RNF214: variants seen among roughly 807,000 people sequenced by gnomAD.
RNF214 encodes ring finger protein 214.
In RNF214, 25 loss-of-function variants were observed where a neutral mutation model predicts 75.9. The observed-to-expected ratio is 0.33, with a 90% confidence interval of 0.24 to 0.46. RNF214 has a LOEUF of 0.46. Ranked by LOEUF, RNF214 falls within the 20% of genes least tolerant of loss-of-function variation. The probability of loss-of-function intolerance (pLI) is 1.00; values close to 1 mark genes in which losing one functional copy is unlikely to be tolerated. For synonymous variants in RNF214, 314 were observed against 308.8 expected (o/e 1.02, Z -0.18); for missense variants, 725 against 857.5 (o/e 0.85, Z 1.93).
chr11:117,281,586 C>CT lies in RNF214; in HGVS notation c.1237-3dup, dbSNP rs543762597. On this transcript the variant is annotated splice_polypyrimidine_tract_variant and intron_variant, in intron 9 of 14. Transcript: ENST00000300650. ...AGTCAGTTCAGCAGTAAAAATAATCCTTTTTTTTTTTAGGACCAATTTAAT... is the reference window on the plus strand; with the variant it reads ...AGTCAGTTCAGCAGTAAAAATAATCCTTTTTTTTTTTTAGGACCAATTTAAT... 0.028 allele frequency: 31,293 copies of CT among 1,118,454 alleles called. 1 individual carries two copies. Among genetic ancestry groups the CT allele is most frequent in the Non-Finnish European group, 0.033 (26,250 of 800,934 alleles). The allele number at this position is 1,118,454 out of a possible 1,614,324, so 69.3% of individuals were successfully genotyped here.
intron 8 of RNF214, among the ~76,000 whole-genome samples, chr11:117,280,558 G>T (rs541451081): frequency 1.1e-4 from 17 of 152,292 alleles, no homozygotes; most frequent in African/African-American, 4.1e-4. Flanking sequence ...TGTAATCCCA[G>T]CACTTTGGGA....
intron 4 of RNF214, among the ~76,000 whole-genome samples, chr11:117,244,059 G>A (rs1347943985): frequency 5.3e-5 from 8 of 152,186 alleles, no homozygotes; most frequent in Non-Finnish European, 8.8e-5. Context: ...TCAGCTCACT[G>A]TAACCTCTGC....
At chr11:117,256,147 CCTGA>C (rs1349514775) in intron 6 of RNF214, among the ~76,000 whole-genome samples, 2 of 152,128 alleles carry the variant, frequency 1.3e-5, no homozygotes, top group African/African-American at 2.4e-5. Context: ...CTTTACACAC[CCTGA>C]CTGACTAATA....
chr11:117,258,386 G>C (rs974464467), intron 6 of RNF214, among the ~76,000 whole-genome samples: 1 of 151,912 alleles, frequency 6.6e-6, no homozygotes, highest in African/African-American at 2.4e-5. Context: ...CTTTTTCGTT[G>C]AGAGGAGACA....
At chr11:117,247,132 T>A (rs1468083202) in intron 6 of RNF214, among the ~76,000 whole-genome samples, 184 bp downstream of exon 6, 1 of 152,192 alleles carries the variant, frequency 6.6e-6, no homozygotes, top group East Asian at 1.9e-4. Context: ...TAGAAAAAAG[T>A]TCAGAGATTT....
intron 6 of RNF214, among the ~76,000 whole-genome samples, chr11:117,249,909 T>TA (rs2033326140): frequency 6.6e-6 from 1 of 152,244 alleles, no homozygotes; most frequent in East Asian, 1.9e-4. Flanking sequence ...GGCTTCAAGA[T>TA]ACGAGTTTTA....
chr11:117,239,008 G>A lies in RNF214; in HGVS notation c.515G>A (p.Arg172Gln), dbSNP rs186490039. Residue 172 changes from arginine (R) to glutamine (Q), a missense_variant, in exon 3 of 15, where the codon CGA (arginine) becomes CAA (glutamine). Physicochemically the swap from Arg to Gln is conservative, Grantham distance 43 (BLOSUM62 1). Transcript: ENST00000300650. ...AACAGGGACACAAGCTTGGATTTCC[G>A]ACCTGTAGTGTCTCCAGCAAATGGG... is the stretch of plus-strand genomic sequence containing the variant. ...EGNRDTSLDF[R>Q]PVVSPANGVE... 399 of 1,614,126 alleles carry A rather than the reference G, an allele frequency of 2.5e-4. No homozygotes were observed. Among genetic ancestry groups the A allele is most frequent in the Non-Finnish European group, 3.1e-4 (366 of 1,180,022 alleles).
intron 6 of RNF214, among the ~76,000 whole-genome samples, chr11:117,260,286 A>G (rs2134390113): frequency 6.6e-6 from 1 of 151,570 alleles, no homozygotes; most frequent in South Asian, 2.1e-4. Context: ...GTACCACCAC[A>G]CTCTTCAAAT....
At position 117,283,185 on chromosome 11, in the gene RNF214, C is replaced by T. The variant is rs769620066; in HGVS notation, c.2021C>T (p.Ala674Val). 6.8e-6 allele frequency: 11 copies of T among 1,613,450 alleles called. No individual in the cohort carries two copies. The highest frequency in any genetic ancestry group is 1.3e-5 in the African/African-American group (1 of 75,000). Residue 674 changes from alanine to valine, a missense_variant, in exon 14 of 15, where the codon GCG (alanine) becomes GTG (valine). This residue lies in a region of RNF214 where 363 missense variants were observed against 513.0 expected (regional missense o/e 0.71). Transcript: ENST00000300650. ...LVQPSELHPM[A>V]CTHVLHKECI... ...CAGCCCAGTGAGCTGCATCCAATGG[C>T]GTGTACCCATGTATTGCACAAGGAG...
At chr11:117,239,238 A>G (rs1394091857) in intron 3 of RNF214, 127 bp downstream of exon 3, 26 of 860,168 alleles carry the variant, frequency 3.0e-5, no homozygotes, top group Non-Finnish European at 4.5e-5. Flanking sequence ...TTTGCTAGCA[A>G]CCATCATACT....
At chr11:117,281,445 T>G in intron 9 of RNF214, 41 bp downstream of exon 9, 1 of 1,492,986 alleles carries the variant, frequency 6.7e-7, no homozygotes, top group African/African-American at 1.4e-5. Flanking sequence ...AGTGTTAGTC[T>G]GTGCTTAACA....
At chr11:117,263,229 C>G (rs1383186245) in intron 6 of RNF214, among the ~76,000 whole-genome samples, 2 of 151,436 alleles carry the variant, frequency 1.3e-5, no homozygotes, top group Non-Finnish European at 2.9e-5. Flanking sequence ...TCCCTAAGTT[C>G]TTTAGCTGGG....
At chr11:117,251,203 G>T (rs1398546455) in intron 6 of RNF214, among the ~76,000 whole-genome samples, 1 of 134,380 alleles carries the variant, frequency 7.4e-6, no homozygotes, top group Admixed American at 7.6e-5. Flanking sequence ...GGGCAGAGGC[G>T]CCCCGCACCT....
intron 2 of RNF214, among the ~76,000 whole-genome samples, chr11:117,236,600 G>C (rs2032918949): frequency 6.6e-6 from 1 of 152,108 alleles, no homozygotes; most frequent in African/African-American, 2.4e-5. Flanking sequence ...AGTGTACCTG[G>C]GTCCCCTAAT....
In RNF214 at chr11:117,235,933, A is replaced by T. The variant is rs574745828; in HGVS notation, c.107+1554A>T. ...TCCATGAATGTGGACCACATTCTAC[A>T]TAAAGAGGCTGACTGTGTATTCTTC... On this transcript the variant is annotated intron_variant, in intron 2 of 14. Coordinates refer to ENST00000300650, the MANE Select transcript of RNF214 (RefSeq NM_207343.4). Among the ~76,000 whole-genome samples the T allele has an allele frequency of 3.9e-5, 6 of 151,920 alleles. No homozygotes were observed. The South Asian group carries it at 6.2e-4, about 16-fold the overall frequency.
At position 117,282,815 on chromosome 11, in the gene RNF214, T is replaced by G; in HGVS notation, c.1915T>G (p.Ser639Ala). 1 of 1,614,174 alleles carries G rather than the reference T, an allele frequency of 6.2e-7. No individual in the cohort carries two copies. The highest frequency in any genetic ancestry group is 1.7e-5 in the Admixed American group (1 of 60,026). ...AATCAGTACCCCAATGTTCTTGCCT[T>G]CTGCCCAAGTTTCATATCCTGGAAG... The part of the protein sequence containing the change: ...AQISTPMFLP[S>A]AQVSYPGRSS... The change falls in exon 13 of 15, where the codon TCT (serine) becomes GCT (alanine). Residue 639 changes from serine (S) to alanine (A), a missense_variant. Physicochemically the swap from Ser to Ala is moderately conservative, Grantham distance 99. Coordinates refer to ENST00000300650, the MANE Select transcript of RNF214 (RefSeq NM_207343.4).
chr11:117,281,549 C>A, intron 9 of RNF214, 51 bp from the exon 10 acceptor site: 1 of 1,474,154 alleles, frequency 6.8e-7, no homozygotes, highest in Non-Finnish European at 9.5e-7. Flanking sequence ...TGCTGTCTTT[C>A]TAGAGAGCCT....
In RNF214 at chr11:117,281,327, A is replaced by G; in HGVS notation, c.1159A>G (p.Thr387Ala). ...HLTYLKSTPPTLETVRSKQEW... is the reference protein window; with the variant it reads ...HLTYLKSTPPALETVRSKQEW... Reference sequence around the variant, plus strand: ...GTTTCTTGAAAGGTCAACTCCCCCAACACTGGAGACAGTTCGTTCCAAACA... The same window carrying G: ...GTTTCTTGAAAGGTCAACTCCCCCAGCACTGGAGACAGTTCGTTCCAAACA... The change falls in exon 9 of 15, where the codon ACA becomes GCA. Residue 387 changes from threonine to alanine, a missense_variant. Around this residue, in one of 2 missense-constraint regions of RNF214, gnomAD observed 363 missense variants for 513.0 expected, o/e 0.71. Coordinates refer to ENST00000300650, the MANE Select transcript of RNF214 (RefSeq NM_207343.4). 2 of 1,612,900 alleles carry G rather than the reference A, an allele frequency of 1.2e-6. No individual in the cohort carries two copies. The highest frequency in any genetic ancestry group is 1.7e-6 in the Non-Finnish European group (2 of 1,179,156).
At chr11:117,266,967 G>T (rs1462316712) in intron 6 of RNF214, among the ~76,000 whole-genome samples, 1 of 106,022 alleles carries the variant, frequency 9.4e-6, no homozygotes, top group African/African-American at 3.8e-5. Flanking sequence ...CAATTCTCCT[G>T]CCTCACAAAA....
Sources: gnomAD v4.1 joint callset for allele counts (sites outside exome capture counted in the v4.1 genomes callset) on GRCh38, gnomAD v4.1.1 for gene constraint, gnomAD v4.1.1 regional missense constraint, MANE v1.5 for transcripts, NCBI Gene and HGNC (gene_info 2026-07-23, HGNC 2026-07-21) for gene names.